Variants in LOC112694756 observed in about 807,000 individuals in gnomAD.
the LOC112694756 span, chr16:30,067,316 A>G: frequency 1.9e-6 from 3 of 1,613,254 alleles, no homozygotes; most frequent in South Asian, 3.3e-5. Context: ...GACATCGCTC[A>G]CCGCATCGTG....
chr16:30,056,340 C>T, the LOC112694756 span, among the ~76,000 whole-genome samples: 4 of 152,122 alleles, frequency 2.6e-5, no homozygotes, highest in East Asian at 7.7e-4. Flanking sequence ...AACTCCTGAC[C>T]TCAGGTGATC....
the LOC112694756 span, chr16:30,055,293 TC>T: frequency 2.5e-6 from 1 of 399,326 alleles, no homozygotes; most frequent in Non-Finnish European, 4.4e-6. Context: ...CCGGCCCACT[TC>T]CTGGATGCTT....
chr16:30,067,222 T>G, the LOC112694756 span: 2 of 1,612,024 alleles, frequency 1.2e-6, no homozygotes, highest in East Asian at 2.2e-5. Context: ...CCCCTCTGTT[T>G]CCTGTATCCA....
the LOC112694756 span, among the ~76,000 whole-genome samples, chr16:30,065,216 T>A: frequency 6.6e-6 from 1 of 152,180 alleles, no homozygotes; most frequent in Non-Finnish European, 1.5e-5. Flanking sequence ...TGCCCTTTCC[T>A]CCGCCTCCCT....
At chr16:30,054,422 G>A in the LOC112694756 span, among the ~76,000 whole-genome samples, 1 of 152,124 alleles carries the variant, frequency 6.6e-6, no homozygotes, top group Non-Finnish European at 1.5e-5. Context: ...AGGACATCTG[G>A]TGTGGAAAGG....
the LOC112694756 span, among the ~76,000 whole-genome samples, chr16:30,054,075 T>C: frequency 6.6e-6 from 1 of 151,772 alleles, no homozygotes; most frequent in East Asian, 1.9e-4. Context: ...ATCCCAGCAC[T>C]TTGGGAGGCC....
At chr16:30,054,459 A>G in the LOC112694756 span, 1 of 220,822 alleles carries the variant, frequency 4.5e-6, no homozygotes. Flanking sequence ...GGATGACAGG[A>G]GCCGGTAATG....
chr16:30,069,620 T>C, the LOC112694756 span: 1 of 1,613,962 alleles, frequency 6.2e-7, no homozygotes, highest in Non-Finnish European at 8.5e-7. Flanking sequence ...CATGAGGAGA[T>C]TGCCATGGCG....
chr16:30,069,219 A>G, the LOC112694756 span: 4 of 1,492,216 alleles, frequency 2.7e-6, no homozygotes, highest in African/African-American at 2.8e-5. Context: ...CATCATCAAG[A>G]TACGGTCTTG....
chr16:30,057,060 G>A, the LOC112694756 span, among the ~76,000 whole-genome samples: 11 of 151,942 alleles, frequency 7.2e-5, no homozygotes, highest in Admixed American at 2.0e-4. Flanking sequence ...ACAGGGATGC[G>A]CCACCACACT....
the LOC112694756 span, among the ~76,000 whole-genome samples, chr16:30,057,407 CAG>C: frequency 2.0e-5 from 3 of 152,164 alleles, no homozygotes; most frequent in Non-Finnish European, 2.9e-5. Context: ...GTAGAATCCT[CAG>C]GGGAGAAGCC....
At chr16:30,054,581 T>C in the LOC112694756 span, 1 of 385,626 alleles carries the variant, frequency 2.6e-6, no homozygotes, top group Non-Finnish European at 4.6e-6. Context: ...GCTGAAGTGC[T>C]TGATGTTGCT....
chr16:30,067,609 G>A, the LOC112694756 span: 5 of 1,614,128 alleles, frequency 3.1e-6, no homozygotes, highest in South Asian at 1.1e-5. Flanking sequence ...GCGGATGATG[G>A]GCGTCCCTTC....
the LOC112694756 span, chr16:30,054,778 G>A: frequency 3.0e-5 from 12 of 398,828 alleles, no homozygotes; most frequent in African/African-American, 1.0e-4. Context: ...TCCTGTACTC[G>A]TCCAGGCCTC....
chr16:30,070,196 C>A, the LOC112694756 span: 1 of 1,614,166 alleles, frequency 6.2e-7, no homozygotes, highest in Non-Finnish European at 8.5e-7. Flanking sequence ...CTCTTCGTCT[C>A]TAACCACGCC....
chr16:30,059,327 C>T, the LOC112694756 span, among the ~76,000 whole-genome samples: 6 of 151,690 alleles, frequency 4.0e-5, no homozygotes, highest in African/African-American at 1.5e-4. Flanking sequence ...AAAACCCCGT[C>T]TCTACTAAAA....
chr16:30,058,803 A>G, the LOC112694756 span: 1 of 386,548 alleles, frequency 2.6e-6, no homozygotes, highest in Non-Finnish European at 4.6e-6. Context: ...TTTCATGTGC[A>G]TGTTGCAAGG....
chr16:30,069,519 G>A, the LOC112694756 span: 2 of 1,614,098 alleles, frequency 1.2e-6, no homozygotes, highest in Non-Finnish European at 1.7e-6. Flanking sequence ...CTGTCTACAA[G>A]GCTCTGAGTG....
chr16:30,067,773 G>C, the LOC112694756 span: 1 of 1,262,802 alleles, frequency 7.9e-7, no homozygotes, highest in South Asian at 1.2e-5. Context: ...CTTGCATGGA[G>C]CCTGCTTCAG....
Sources: allele counts gnomAD v4.1 joint callset (sites outside exome capture counted in the v4.1 genomes callset), GRCh38; gene constraint gnomAD v4.1.1; transcripts MANE v1.5.